The following IL37 variants were observed in gnomAD, a reference collection of about 807,000 sequenced individuals.
IL37 encodes the protein interleukin-37.
A neutral mutation model predicts 15.4 loss-of-function variants in IL37; 15 were observed. That is an observed-to-expected ratio of 0.98 (90% confidence interval 0.65 to 1.50). The LOEUF is 1.50. IL37 is among the 40% of genes most tolerant of loss of function. The pLI, the probability that IL37 is intolerant of heterozygous loss-of-function variation, is 0.00. For missense variants in IL37, 269 were observed against 261.7 expected (o/e 1.03, Z -0.19); for synonymous variants, 98 against 97.4 (o/e 1.01, Z -0.03).
chr2:112,916,188 T>C (rs1168672649), intron 3 of IL37, among the ~76,000 whole-genome samples: 1 of 152,232 alleles, frequency 6.6e-6, no homozygotes, highest in Non-Finnish European at 1.5e-5. Context: ...ATATTATAGC[T>C]TCACATAGTG....
At chr2:112,918,517 C>A (rs1194772965) in intron 5 of IL37, 44 bp from the exon 6 acceptor site, 2 of 1,568,624 alleles carry the variant, frequency 1.3e-6, no homozygotes, top group African/African-American at 1.4e-5. Context: ...GTTTTCCTCC[C>A]TCTCAAAGCC....
In IL37 at chr2:112,918,019, C is replaced by T. The variant is rs552582029; in HGVS notation, c.408+242C>T. Among the ~76,000 whole-genome samples, 8 of 152,308 alleles carry T rather than the reference C, an allele frequency of 5.3e-5. No homozygotes were observed. In the East Asian group the frequency reaches 1.2e-3, roughly 22 times the overall value. ...AGCAAGGAGCTGAGCACCTGTTCTC[C>T]TCTCCTGGGCTCACTGGTCCTGGCC... On this transcript the variant is annotated intron_variant, in intron 5 of 5. Transcript: ENST00000263326.
At chr2:112,913,728 T>C in intron 2 of IL37, 64 bp from the exon 3 acceptor site, 1 of 1,326,864 alleles carries the variant, frequency 7.5e-7, no homozygotes, top group Non-Finnish European at 1.1e-6. Flanking sequence ...AAATGGTCTT[T>C]GATACCCCTA....
In IL37 at chr2:112,918,538, A is replaced by G. The variant is rs146771722; in HGVS notation, c.409-23A>G. On this transcript the variant is annotated intron_variant, in intron 5 of 5. Transcript: ENST00000263326. ...CTCCCTCTCAAAGCCTGTGCTATCT[A>G]ATTAATCCCTTTTACCTCACAGAAG... is the stretch of plus-strand genomic sequence containing the variant. The G allele has an allele frequency of 3.9e-5, 62 of 1,600,662 alleles. No homozygotes were observed. The Admixed American group carries it at 6.8e-4, about 18-fold the overall frequency.
intron 4 of IL37, 24 bp from the exon 5 acceptor site, chr2:112,917,611 C>T: frequency 6.5e-7 from 1 of 1,544,278 alleles, no homozygotes; most frequent in East Asian, 2.3e-5. Flanking sequence ...AGAACCCACA[C>T]ATGTTCTGAC....
At chr2:112,913,949 G>A (rs1683241250) in intron 3 of IL37, 95 bp downstream of exon 3, 3 of 959,934 alleles carry the variant, frequency 3.1e-6, no homozygotes, top group South Asian at 1.4e-5. Flanking sequence ...TGGGAGAATT[G>A]TAGAATGGGG....
At chr2:112,917,546 G>C in intron 4 of IL37, 89 bp from the exon 5 acceptor site, 2 of 1,293,102 alleles carry the variant, frequency 1.5e-6, no homozygotes, top group Non-Finnish European at 2.1e-6. Context: ...AAGGGAGAGG[G>C]ACTGTGCATC....
intron 5 of IL37, 65 bp downstream of exon 5, chr2:112,917,842 A>G: frequency 6.5e-7 from 1 of 1,533,004 alleles, no homozygotes; most frequent in African/African-American, 1.4e-5. Flanking sequence ...AAGATCCTCA[A>G]TGCCTCTCGC....
chr2:112,912,970 A>T lies in IL37; in HGVS notation c.-43A>T. ...CCCTTTCTATCTCCTTAGGTCTTGG[A>T]CTTCATTCCATTTTCTGTTGAGTAA... On this transcript the variant is annotated 5_prime_UTR_variant, in exon 2 of 6. Transcript: ENST00000263326. 3 of 1,449,860 alleles carry T rather than the reference A, an allele frequency of 2.1e-6. No individual in the cohort carries two copies. The highest frequency in any genetic ancestry group is 2.8e-6 in the Non-Finnish European group (3 of 1,056,654). 89.8% of individuals were successfully genotyped at this position (1,449,860 alleles called of 1,614,324 possible).
chr2:112,915,320 C>A, intron 3 of IL37: 1 of 1,356,704 alleles, frequency 7.4e-7, no homozygotes, highest in Non-Finnish European at 1.0e-6. Flanking sequence ...TTTCCAGTCT[C>A]ACCCTGGACT....
intron 5 of IL37, 56 bp from the exon 6 acceptor site, chr2:112,918,503 CTG>C: frequency 6.5e-7 from 1 of 1,547,510 alleles, no homozygotes; most frequent in Non-Finnish European, 8.7e-7. Context: ...AGCACATGTG[CTG>C]TGTTTTCCTC....
At chr2:112,911,933 G>T (rs1683187101) in intron 1 of IL37, among the ~76,000 whole-genome samples, 1 of 152,168 alleles carries the variant, frequency 6.6e-6, no homozygotes, top group Admixed American at 6.5e-5. Context: ...ACCACAAACA[G>T]GTTAAAATCA....
chr2:112,913,971 T>C, intron 3 of IL37, 117 bp downstream of exon 3: 1 of 799,106 alleles, frequency 1.3e-6, no homozygotes. Flanking sequence ...CACCTAAGGG[T>C]GCTGGATGGG....
In IL37 at chr2:112,917,265, G is replaced by T. The variant is rs769067532; in HGVS notation, c.265+17G>T. 6.2e-7 allele frequency: 1 copy of T among 1,613,344 alleles called. No homozygotes were observed. Among genetic ancestry groups the T allele is most frequent in the East Asian group, 2.2e-5 (1 of 44,858 alleles). ...TACGCCCAGGTGACTCTCAGTTTTG[G>T]CTGTGTTTTCTGCCTCCACCTAGCA... is the stretch of plus-strand genomic sequence containing the variant. On this transcript the variant is annotated intron_variant, in intron 4 of 5. Transcript: ENST00000263326.
Position 112,913,022 on chromosome 2 carries a change from G to GT in IL37, c.11dup (p.Glu6GlyfsTer10). The GT allele has an allele frequency of 6.3e-7, 1 of 1,585,026 alleles. No homozygotes were observed. Among genetic ancestry groups the GT allele is most frequent in the South Asian group, 1.2e-5 (1 of 85,654 alleles). On this transcript the variant is annotated frameshift_variant, in exon 2 of 6. Coordinates refer to ENST00000263326, the MANE Select transcript of IL37 (RefSeq NM_014439.4). LOFTEE classifies it high-confidence loss of function. ...AAACTCAACGTTGAAAATGTCCTTT[G>GT]TGGGGGAGAACTCAGGAGTGAAAAT...
At chr2:112,915,028 T>C (rs1243712756) in intron 3 of IL37, among the ~76,000 whole-genome samples, 1 of 152,222 alleles carries the variant, frequency 6.6e-6, no homozygotes, top group Non-Finnish European at 1.5e-5. Context: ...CTGATGTTAC[T>C]GCTGCTGTTG....
chr2:112,918,331 C>CTT (rs1389282372), intron 5 of IL37, among the ~76,000 whole-genome samples: 1 of 151,590 alleles, frequency 6.6e-6, no homozygotes, highest in Non-Finnish European at 1.5e-5. Flanking sequence ...CTCTCTCTCT[C>CTT]TCTCAGTTTA....
rs375280608 is a variant in IL37, at chr2:112,913,806, C to T, written c.97C>T (p.Pro33Ser). The change falls in exon 3 of 6, where the codon CCC becomes TCC. Residue 33 changes from proline to serine, a missense_variant. Coordinates refer to ENST00000263326, the MANE Select transcript of IL37 (RefSeq NM_014439.4). Reference protein sequence around the residue: ...QCCLEDPAGSPLEPGPSLPTM... With the variant: ...QCCLEDPAGSSLEPGPSLPTM... ...TCTGACTGCAGACCCGGCTGGAAGC[C>T]CCCTGGAACCAGGCCCAAGCCTCCC... 1.2e-5 allele frequency: 19 copies of T among 1,613,592 alleles called. No individual in the cohort carries two copies. Among genetic ancestry groups the T allele is most frequent in the Non-Finnish European group, 1.4e-5 (17 of 1,179,648 alleles).
intron 1 of IL37, among the ~76,000 whole-genome samples, chr2:112,912,755 G>A (rs1365709440): frequency 6.6e-6 from 1 of 152,222 alleles, no homozygotes; most frequent in African/African-American, 2.4e-5. Flanking sequence ...CACCCCGTGT[G>A]TTAGCACTGT....
Sources: gnomAD v4.1 joint callset for allele counts (sites outside exome capture counted in the v4.1 genomes callset) on GRCh38, gnomAD v4.1.1 for gene constraint, MANE v1.5 for transcripts, NCBI Gene and HGNC (gene_info 2026-07-23, HGNC 2026-07-21) for gene names.